NAA25: variants seen among roughly 807,000 people sequenced by gnomAD.
NAA25 encodes N-alpha-acetyltransferase 25, NatB auxiliary subunit, also known as N-terminal acetyltransferase B complex subunit NAA25.
Under a neutral mutation model 132.5 loss-of-function variants are expected in NAA25, and 30 were observed. That is an observed-to-expected ratio of 0.23 (90% confidence interval 0.17 to 0.31). The LOEUF (loss-of-function observed/expected upper bound fraction) is 0.31, where lower values mean the gene tolerates loss of function less well. NAA25 is among the 10% of genes least tolerant of loss of function. The probability of loss-of-function intolerance (pLI) is 1.00; values close to 1 mark genes in which losing one functional copy is unlikely to be tolerated. For synonymous variants in NAA25, 359 were observed against 401.9 expected (o/e 0.89, Z 1.28); for missense variants, 771 against 1,150.4 (o/e 0.67, Z 4.77).
intron 2 of NAA25, among the ~76,000 whole-genome samples, chr12:112,091,850 C>T (rs571435030): frequency 1.2e-4 from 19 of 152,150 alleles, no homozygotes; most frequent in African/African-American, 3.6e-4. Flanking sequence ...TGATAGAGAC[C>T]TTGTCTCAAA....
intron 13 of NAA25, 143 bp from the exon 14 acceptor site, chr12:112,054,711 T>C: frequency 1.4e-6 from 1 of 715,858 alleles, no homozygotes; most frequent in Non-Finnish European, 2.2e-6. Flanking sequence ...GATATACACC[T>C]GTAACCAAAA....
intron 4 of NAA25, among the ~76,000 whole-genome samples, chr12:112,085,353 C>T (rs967636395): frequency 6.6e-6 from 1 of 152,122 alleles, no homozygotes; most frequent in Non-Finnish European, 1.5e-5. Flanking sequence ...GATCACGCCA[C>T]AGCACTCCAG....
chr12:112,048,579 T>C, intron 15 of NAA25, 136 bp from the exon 16 acceptor site: 2 of 674,818 alleles, frequency 3.0e-6, no homozygotes, highest in Non-Finnish European at 5.0e-6. Context: ...GGTCACCAAG[T>C]AGAATATTAG....
At chr12:112,078,595 A>G in intron 6 of NAA25, 39 bp downstream of exon 6, 2 of 1,548,692 alleles carry the variant, frequency 1.3e-6, no homozygotes, top group Non-Finnish European at 1.8e-6. Context: ...AGCACTAGCA[A>G]AAAAATGAAA....
chr12:112,058,385 C>T (rs554673028), intron 13 of NAA25, among the ~76,000 whole-genome samples: 1 of 152,294 alleles, frequency 6.6e-6, no homozygotes, highest in South Asian at 2.1e-4. Flanking sequence ...CCATAAATAC[C>T]TAAGAATCTG....
intron 11 of NAA25, among the ~76,000 whole-genome samples, chr12:112,062,362 C>T (rs1361028879): frequency 2.7e-5 from 4 of 150,002 alleles, no homozygotes; most frequent in African/African-American, 9.9e-5. Context: ...GATTGTTCTA[C>T]TGCACTCCAG....
intron 11 of NAA25, chr12:112,065,550 C>T (rs1410836271): frequency 6.6e-6 from 1 of 150,908 alleles, no homozygotes; most frequent in Non-Finnish European, 1.5e-5. Flanking sequence ...GTAATCCCAG[C>T]TACTGGGGAG....
At chr12:112,031,589 C>T (rs2078151288) in intron 23 of NAA25, among the ~76,000 whole-genome samples, 1 of 152,124 alleles carries the variant, frequency 6.6e-6, no homozygotes, top group South Asian at 2.1e-4. Flanking sequence ...TTAAGGATAA[C>T]CTCTAGAACT....
intron 19 of NAA25, 177 bp from the exon 20 acceptor site, chr12:112,042,281 G>T (rs2078310992): frequency 6.0e-6 from 2 of 330,758 alleles, no homozygotes; most frequent in South Asian, 8.1e-5. Flanking sequence ...GGAAAAGGAA[G>T]AATAAAAAGA....
chr12:112,070,148 A>T (rs1231597448), intron 10 of NAA25, among the ~76,000 whole-genome samples: 1 of 152,192 alleles, frequency 6.6e-6, no homozygotes, highest in Non-Finnish European at 1.5e-5. Context: ...ATAATAAAAT[A>T]AAAACCTGTA....
At chr12:112,106,173 CAT>C (rs957477537) in intron 1 of NAA25, among the ~76,000 whole-genome samples, 1 of 152,126 alleles carries the variant, frequency 6.6e-6, no homozygotes, top group African/African-American at 2.4e-5. Flanking sequence ...TTCCCATGTA[CAT>C]GTTACAAAAG....
At chr12:112,083,668 A>G (rs1435276819) in intron 4 of NAA25, among the ~76,000 whole-genome samples, 3 of 152,228 alleles carry the variant, frequency 2.0e-5, no homozygotes, top group Non-Finnish European at 4.4e-5. Flanking sequence ...TATAAAATGA[A>G]AAATGTTAGG....
chr12:112,033,248 G>T lies in NAA25; in HGVS notation c.2781C>A (p.Asp927Glu). The T allele has an allele frequency of 6.2e-7, 1 of 1,608,122 alleles. No homozygotes were observed. The highest frequency in any genetic ancestry group is 8.5e-7 in the Non-Finnish European group (1 of 1,177,766). ...AATCTCTTACCGGTGAGAGAGAAGT[G>T]TCTTCTAAAATAAGTTCTTCAAGTT... Reference protein sequence around the residue: ...ALKLEELILEDTSLSPEERKF... With the variant: ...ALKLEELILEETSLSPEERKF... The change falls in exon 23 of 24, where the codon GAC becomes GAA. Residue 927 changes from aspartate (D) to glutamate (E), a missense_variant. Physicochemically the swap from Asp to Glu is conservative, Grantham distance 45 (BLOSUM62 2). Around this residue, in one of 3 missense-constraint regions of NAA25, gnomAD observed 324 missense variants for 400.0 expected, o/e 0.81. Coordinates refer to ENST00000261745, the MANE Select transcript of NAA25 (RefSeq NM_024953.4).
In NAA25 at chr12:112,095,615, CA is replaced by C. The variant is rs2079201875; in HGVS notation, c.59-2480del. On this transcript the variant is annotated intron_variant, in intron 1 of 23. Transcript: ENST00000261745. The stretch of plus-strand genomic sequence containing the variant: ...GTCTCAAAAAAAAAACAAAAACAAA[CA>C]AACAAAAAAAAAAAAACAAGAAATG... Among the ~76,000 whole-genome samples, 3 of 93,506 alleles carry C rather than the reference CA, an allele frequency of 3.2e-5. No homozygotes were observed. In the South Asian group the frequency reaches 9.7e-4, roughly 30 times the overall value. The allele number at this position is 93,506 out of a possible 152,430, so 61.3% of individuals were successfully genotyped here. A position where few individuals can be genotyped will look rare whatever the true frequency, so the allele number is the denominator to read the frequency against.
rs779896159 is a variant in NAA25, at chr12:112,048,405, T to C, written c.1767A>G (p.Ala589=). The C allele has an allele frequency of 6.2e-7, 1 of 1,614,006 alleles. No individual in the cohort carries two copies. The highest frequency in any genetic ancestry group is 8.5e-7 in the Non-Finnish European group (1 of 1,179,906). ...CGATAAACTCTGGGATCTTCTCAAATGCACCATATTTGTAAGCTTGAATAA... is the reference window on the plus strand; with the variant it reads ...CGATAAACTCTGGGATCTTCTCAAACGCACCATATTTGTAAGCTTGAATAA... ...EYIIQAYKYG[A]FEKIPEFIAF... Residue 589 remains alanine, a synonymous_variant, in exon 16 of 24, where the codon GCA becomes GCG. Coordinates refer to ENST00000261745, the MANE Select transcript of NAA25 (RefSeq NM_024953.4).
chr12:112,041,515 C>T (rs1385115652), intron 20 of NAA25, among the ~76,000 whole-genome samples: 16 of 152,074 alleles, frequency 1.1e-4, no homozygotes, highest in Non-Finnish European at 1.5e-5. Context: ...ATACAAGATG[C>T]ATATATGTGC....
chr12:112,038,579 A>AT (rs1425053944), intron 22 of NAA25, among the ~76,000 whole-genome samples: 1 of 152,014 alleles, frequency 6.6e-6, no homozygotes, highest in East Asian at 1.9e-4. Context: ...GTATAATTTA[A>AT]TTTTTTTTAA....
chr12:112,043,740 G>A lies in NAA25; in HGVS notation c.2135C>T (p.Ser712Leu), dbSNP rs751642260. 184 of 1,614,104 alleles carry A rather than the reference G, an allele frequency of 1.1e-4. 2 individuals are homozygous for A. In the Middle Eastern group the frequency reaches 1.5e-3, roughly 13 times the overall value. The change falls in exon 18 of 24, where the codon TCG (serine) becomes TTG (leucine). Residue 712 changes from serine to leucine, a missense_variant. By Grantham distance (145) the Ser-to-Leu change is moderately radical. Around this residue, in one of 3 missense-constraint regions of NAA25, gnomAD observed 324 missense variants for 400.0 expected, o/e 0.81. Transcript: ENST00000261745. ...SLNHPVEPKN[S>L]EKTAENGVSS... ...TACCCCATTCTCGGCAGTCTTCTCC[G>A]AGTTCTTTGGCTCCACAGGGTGGTT...
chr12:112,050,302 G>A (rs1393075275), intron 15 of NAA25, among the ~76,000 whole-genome samples: 2 of 152,078 alleles, frequency 1.3e-5, no homozygotes, highest in African/African-American at 2.4e-5. Context: ...AGGCAAAACT[G>A]AAAGCCACAG....
Sources: allele counts gnomAD v4.1 joint callset (sites outside exome capture counted in the v4.1 genomes callset), GRCh38; gene constraint gnomAD v4.1.1; regional missense constraint gnomAD v4.1.1; transcripts MANE v1.5; gene names NCBI Gene and HGNC (gene_info 2026-07-23, HGNC 2026-07-21).